The following REEP1 variants were observed in gnomAD, a reference collection of about 807,000 sequenced individuals.
The protein encoded by REEP1 is receptor expression-enhancing protein 1.
Under a neutral mutation model 40.3 loss-of-function variants are expected in REEP1, and 22 were observed. The observed-to-expected ratio is 0.55, with a 90% CI of 0.39 to 0.78. The LOEUF (loss-of-function observed/expected upper bound fraction) is 0.78, where lower values mean the gene tolerates loss of function less well. Among genes scored for constraint, REEP1 ranks in the 30% least tolerant of loss-of-function variants. The pLI is 0.00. For missense variants in REEP1, 280 were observed against 361.1 expected (o/e 0.78, Z 1.82); for synonymous variants, 116 against 139.2 (o/e 0.83, Z 1.17).
chr2:86,302,552 A>G (rs1304223950), intron 1 of REEP1, among the ~76,000 whole-genome samples: 1 of 152,230 alleles, frequency 6.6e-6, no homozygotes, highest in Admixed American at 6.5e-5. Context: ...AGAGGCAAAC[A>G]AAGATTAACA....
chr2:86,245,409 C>T (rs947012692), intron 5 of REEP1, among the ~76,000 whole-genome samples: 22 of 152,200 alleles, frequency 1.4e-4, no homozygotes, highest in African/African-American at 4.6e-4. Flanking sequence ...TGTGGACAGA[C>T]GTGCAGGCTC....
chr2:86,222,239 A>AG (rs1674468997), intron 7 of REEP1, among the ~76,000 whole-genome samples: 1 of 152,224 alleles, frequency 6.6e-6, no homozygotes, highest in African/African-American at 2.4e-5. Flanking sequence ...CAAGGATTGC[A>AG]GGGTAGAAAA....
chr2:86,248,873 C>T (rs894268959), intron 5 of REEP1, among the ~76,000 whole-genome samples: 2 of 152,162 alleles, frequency 1.3e-5, no homozygotes, highest in Admixed American at 6.5e-5. Context: ...GACTTTGCAG[C>T]GTGTCTTTTT....
intron 2 of REEP1, among the ~76,000 whole-genome samples, chr2:86,281,787 A>C (rs1183111023): frequency 1.3e-5 from 2 of 152,220 alleles, no homozygotes; most frequent in African/African-American, 2.4e-5. Flanking sequence ...CCAGACTCTA[A>C]AACCTGTGCT....
intron 2 of REEP1, among the ~76,000 whole-genome samples, chr2:86,264,452 C>CT (rs11407787): frequency 0.48 from 73,501 of 151,840 alleles, 18,064 homozygotes; most frequent in African/African-American, 0.57. Context: ...TCTGATCTTC[C>CT]TTTTATCTCT....
At chr2:86,231,106 G>A (rs1674986517) in intron 6 of REEP1, among the ~76,000 whole-genome samples, 1 of 152,240 alleles carries the variant, frequency 6.6e-6, no homozygotes, top group Non-Finnish European at 1.5e-5. Flanking sequence ...CTCTACTGCA[G>A]CCCAGCATGG....
chr2:86,337,458 G>T lies in REEP1; in HGVS notation c.32+21C>A. On this transcript the variant is annotated intron_variant, in intron 1 of 8. Transcript: ENST00000538924. This position sits in a 1 kb window ranked among gnomAD's most constrained non-coding sequence, Gnocchi z 5.8. ...GCGGGGAGGGAGGGGACGGAGGGGC[G>T]CGGGGGAGAAGGCCACTTACACCAC... 7.9e-7 allele frequency: 1 copy of T among 1,260,770 alleles called. No individual in the cohort carries two copies. The highest frequency in any genetic ancestry group is 2.8e-5 in the South Asian group (1 of 35,724). The allele number at this position is 1,260,770 out of a possible 1,614,324, so 78.1% of individuals were successfully genotyped here. A position where few individuals can be genotyped will look rare whatever the true frequency, so the allele number is the denominator to read the frequency against.
At chr2:86,337,922 A>G, upstream of REEP1, 1 of 1,158,436 alleles carries the variant, frequency 8.6e-7, no homozygotes. The surrounding 1 kb of genome is among the most constrained non-coding windows in gnomAD (Gnocchi z 5.8). Context: ...CAGCGGAGAA[A>G]CTGAAGTCCG....
At chr2:86,233,150 C>G (rs751205956) in intron 5 of REEP1, among the ~76,000 whole-genome samples, 10 of 152,240 alleles carry the variant, frequency 6.6e-5, no homozygotes, top group Non-Finnish European at 1.0e-4. Flanking sequence ...TTCCAGGCCA[C>G]CTGCTGCTTC....
chr2:86,323,464 C>T (rs780844674), intron 1 of REEP1, among the ~76,000 whole-genome samples: 10 of 152,258 alleles, frequency 6.6e-5, no homozygotes, highest in Non-Finnish European at 1.5e-4. Context: ...AGCATTACCA[C>T]CTGAACTCCG....
intron 1 of REEP1, among the ~76,000 whole-genome samples, chr2:86,332,264 C>T (rs538291111): frequency 5.3e-5 from 8 of 152,242 alleles, no homozygotes; most frequent in South Asian, 2.1e-4. Context: ...GTGCACCCCC[C>T]TCTCCTTACT....
At chr2:86,261,168 C>A (rs898085281) in intron 3 of REEP1, among the ~76,000 whole-genome samples, 5 of 152,132 alleles carry the variant, frequency 3.3e-5, no homozygotes, top group African/African-American at 9.7e-5. Flanking sequence ...ACAGAAGAGG[C>A]CCCTAGCACC....
At chr2:86,220,228 G>T in intron 7 of REEP1, 107 bp from the exon 8 acceptor site, 1 of 742,378 alleles carries the variant, frequency 1.3e-6, no homozygotes, top group Non-Finnish European at 1.8e-6. Context: ...AGCAAACCAG[G>T]CCTGTGAGGA....
chr2:86,299,707 C>A (rs1285786922), intron 1 of REEP1, among the ~76,000 whole-genome samples: 1 of 152,120 alleles, frequency 6.6e-6, no homozygotes, highest in African/African-American at 2.4e-5. Flanking sequence ...ATATTGGCTA[C>A]TATTTATTGG....
Position 86,314,734 on chromosome 2 carries a change from G to A in REEP1, c.32+22745C>T, listed in dbSNP as rs113322457. ...TGCCCAGGCCGGAGTGCAGTGGCGC[G>A]ATCTTGGCTCAGGAGGCTGAGGTGG... On this transcript the variant is annotated intron_variant, in intron 1 of 8. Transcript: ENST00000538924. 3.9e-3 allele frequency among the ~76,000 whole-genome samples: 580 copies of A among 149,432 alleles called. 3 individuals are homozygous for A. The highest frequency in any genetic ancestry group is 0.013 in the African/African-American group (532 of 40,720).
intron 1 of REEP1, among the ~76,000 whole-genome samples, chr2:86,327,550 G>T (rs913280111): frequency 1.3e-5 from 2 of 149,014 alleles, no homozygotes; most frequent in African/African-American, 5.0e-5. Flanking sequence ...AACAGCAGGG[G>T]AAAGATGGTC....
chr2:86,313,901 A>G (rs1679872804), intron 1 of REEP1, among the ~76,000 whole-genome samples: 1 of 152,206 alleles, frequency 6.6e-6, no homozygotes, highest in South Asian at 2.1e-4. Context: ...GAGAAGCCCA[A>G]AATTTGAATT....
chr2:86,249,944 G>C (rs78759262), intron 5 of REEP1, among the ~76,000 whole-genome samples: 1 of 152,218 alleles, frequency 6.6e-6, no homozygotes, highest in Non-Finnish European at 1.5e-5. Context: ...AAATTCAACA[G>C]AAAGCAGATG....
chr2:86,291,912 A>T (rs1277984521), intron 1 of REEP1, among the ~76,000 whole-genome samples: 1 of 152,236 alleles, frequency 6.6e-6, no homozygotes, highest in South Asian at 2.1e-4. Flanking sequence ...AGCAGGAACA[A>T]ACATTCTGTA....
Sources: gnomAD v4.1 joint callset for allele counts (sites outside exome capture counted in the v4.1 genomes callset) on GRCh38, gnomAD v4.1.1 for gene constraint, Gnocchi (gnomAD v3.1) non-coding constraint, MANE v1.5 for transcripts, NCBI Gene and HGNC (gene_info 2026-07-23, HGNC 2026-07-21) for gene names.